NDUFB3: variants seen among roughly 807,000 people sequenced by gnomAD.
NDUFB3 encodes NADH dehydrogenase [ubiquinone] 1 beta subcomplex subunit 3.
Under a neutral mutation model 9.0 loss-of-function variants are expected in NDUFB3, and 7 were observed. That is an observed-to-expected ratio of 0.78 (90% CI 0.44 to 1.46). The LOEUF (loss-of-function observed/expected upper bound fraction) is 1.46, where lower values mean the gene tolerates loss of function less well. Among genes scored for constraint, NDUFB3 ranks in the 40% most tolerant of loss-of-function variants. The probability of loss-of-function intolerance (pLI) is 0.01; values close to 1 mark genes in which losing one functional copy is unlikely to be tolerated. For missense variants in NDUFB3, 93 were observed against 115.4 expected, an observed-to-expected ratio of 0.81 and a Z score of 0.89; for synonymous variants, 29 against 38.5, an observed-to-expected ratio of 0.75 and a Z score of 0.91.
At chr2:201,074,151 C>T (rs2047132939) in intron 1 of NDUFB3, among the ~76,000 whole-genome samples, 1 of 152,030 alleles carries the variant, frequency 6.6e-6, no homozygotes, top group Non-Finnish European at 1.5e-5. Context: ...CGGGATTTTG[C>T]CATGTTGGTT....
intron 1 of NDUFB3, among the ~76,000 whole-genome samples, chr2:201,076,342 G>A (rs948010849): frequency 7.9e-5 from 12 of 151,460 alleles, no homozygotes; most frequent in Non-Finnish European, 1.8e-4. Context: ...AGGGTCCATC[G>A]CTATAAAACA....
At chr2:201,077,770 C>T (rs1343438178) in intron 1 of NDUFB3, among the ~76,000 whole-genome samples, 2 of 152,132 alleles carry the variant, frequency 1.3e-5, no homozygotes, top group Non-Finnish European at 2.9e-5. Flanking sequence ...AGTGTGTTTT[C>T]TCTTCCTATA....
intron 2 of NDUFB3, 100 bp from the exon 3 acceptor site, chr2:201,085,359 G>T: frequency 2.3e-6 from 2 of 857,894 alleles, no homozygotes; most frequent in Non-Finnish European, 1.7e-6. Context: ...TCTTCTGTAG[G>T]GTAGCATTTA....
intron 1 of NDUFB3, among the ~76,000 whole-genome samples, chr2:201,073,582 C>T (rs1326313551): frequency 1.3e-5 from 2 of 152,142 alleles, no homozygotes; most frequent in Admixed American, 6.6e-5. Context: ...TTCTGACCAA[C>T]ATGGTGAAAC....
In NDUFB3 at chr2:201,076,512, T is replaced by TATATATATATATATATATATATAA. The variant is rs1250913348; in HGVS notation, c.-2-2368_-2-2367insTATATATATATATATATATATAAA. Among the ~76,000 whole-genome samples, 65 of 134,404 alleles carry TATATATATATATATATATATATAA rather than the reference T, an allele frequency of 4.8e-4. 2 individuals carry two copies. Among genetic ancestry groups the TATATATATATATATATATATATAA allele is most frequent in the African/African-American group, 1.7e-3 (60 of 35,512 alleles). The allele number at this position is 134,404 out of a possible 152,430, so 88.2% of individuals were successfully genotyped here. A position where few individuals can be genotyped will look rare whatever the true frequency, so the allele number is the denominator to read the frequency against. On this transcript the variant is annotated intron_variant, in intron 1 of 2. Transcript: ENST00000237889. ...ATATATATATATATATATATATATA[T>TATATATATATATATATATATATAA]AATTAAATGTGAAAATCATCAACAT...
At chr2:201,079,231 G>A (rs535423085) in intron 2 of NDUFB3, among the ~76,000 whole-genome samples, 4 of 151,356 alleles carry the variant, frequency 2.6e-5, no homozygotes, top group African/African-American at 4.9e-5. Context: ...TGCAGCCTCC[G>A]CCACCCGGGT....
intron 1 of NDUFB3, among the ~76,000 whole-genome samples, chr2:201,073,094 A>G (rs1411328297): frequency 6.6e-6 from 1 of 152,206 alleles, no homozygotes; most frequent in Non-Finnish European, 1.5e-5. Context: ...AAATTGGTTG[A>G]AAAACACTGC....
chr2:201,085,413 C>G, intron 2 of NDUFB3, 46 bp from the exon 3 acceptor site: 1 of 1,449,534 alleles, frequency 6.9e-7, no homozygotes, highest in Non-Finnish European at 9.4e-7. Flanking sequence ...AACGTATATA[C>G]ACACACGTTG....
chr2:201,085,541 T>G lies in NDUFB3; in HGVS notation c.223T>G (p.Phe75Val). 1 of 1,612,532 alleles carries G rather than the reference T, an allele frequency of 6.2e-7. No individual in the cohort carries two copies. The highest frequency in any genetic ancestry group is 8.5e-7 in the Non-Finnish European group (1 of 1,178,900). The change falls in exon 3 of 3, where the codon TTT becomes GTT. Residue 75 changes from phenylalanine (F) to valine (V), a missense_variant. Phe to Val is a conservative substitution (Grantham distance 50, BLOSUM62 -1). Transcript: ENST00000237889. ...DVFFKGFKWGFAAFVVAVGAE... is the reference protein window; with the variant it reads ...DVFFKGFKWGVAAFVVAVGAE... ...ATTCTTTAAAGGATTCAAATGGGGA[T>G]TTGCTGCATTTGTGGTAGCTGTAGG...
In NDUFB3 at chr2:201,072,073, T is replaced by C. The variant is rs1004851277; in HGVS notation, c.-3+14T>C. 3 of 151,892 alleles carry C rather than the reference T, an allele frequency of 2.0e-5. No homozygotes were observed. The highest frequency in any genetic ancestry group is 7.3e-5 in the African/African-American group (3 of 41,274). The allele number at this position is 151,892 out of a possible 1,614,324, so 9.4% of individuals were successfully genotyped here. On this transcript the variant is annotated intron_variant, in intron 1 of 2. Transcript: ENST00000237889. ...GATTGCTGTCAGGTAAATTAGGGAGTTGGTGGGAGGCCCGTTGATTAGGAT... is the reference window on the plus strand; with the variant it reads ...GATTGCTGTCAGGTAAATTAGGGAGCTGGTGGGAGGCCCGTTGATTAGGAT...
In NDUFB3 at chr2:201,073,770, C is replaced by CA. The variant is rs112614732; in HGVS notation, c.-3+1721dup. Among the ~76,000 whole-genome samples the CA allele has an allele frequency of 1.2e-4, 18 of 146,996 alleles. 1 individual carries two copies. The highest frequency in any genetic ancestry group is 6.5e-4 in the South Asian group (3 of 4,626). ...CTGGCGACAGAGTGATACTCCATCTCAAAAAAAAAATTTGTTTTTTTTTAA... is the reference window on the plus strand; with the variant it reads ...CTGGCGACAGAGTGATACTCCATCTCAAAAAAAAAAATTTGTTTTTTTTTAA... On this transcript the variant is annotated intron_variant, in intron 1 of 2. Transcript: ENST00000237889.
At chr2:201,078,820 T>C in intron 1 of NDUFB3, 61 bp from the exon 2 acceptor site, 2 of 1,453,612 alleles carry the variant, frequency 1.4e-6, no homozygotes, top group Middle Eastern at 2.5e-4. Flanking sequence ...AAACAATAAA[T>C]TTGGGTATTT....
At chr2:201,082,300 C>T (rs562964162) in intron 2 of NDUFB3, among the ~76,000 whole-genome samples, 74 of 151,712 alleles carry the variant, frequency 4.9e-4, no homozygotes, top group Non-Finnish European at 8.0e-4. Context: ...ATGGAGTCTC[C>T]GTCGCCCAGG....
intron 2 of NDUFB3, among the ~76,000 whole-genome samples, chr2:201,082,000 T>C (rs2047230246): frequency 6.6e-6 from 1 of 151,710 alleles, no homozygotes; most frequent in Non-Finnish European, 1.5e-5. Context: ...TATTTTTTAG[T>C]AGAGATGGGG....
Position 201,078,890 on chromosome 2 carries a change from A to G in NDUFB3, c.8A>G (p.His3Arg), listed in dbSNP as rs767542169. The G allele has an allele frequency of 6.2e-6, 10 of 1,609,426 alleles. No homozygotes were observed. The Admixed American group carries it at 1.5e-4, about 25-fold the overall frequency. The change falls in exon 2 of 3, where the codon CAT becomes CGT. Residue 3 changes from histidine to arginine, a missense_variant. His to Arg is a conservative substitution (Grantham distance 29). Transcript: ENST00000237889. MA[H>R]EHGHEHGHHK... ...AATCTTTTCCTTACAGACATGGCCC[A>G]TGAACATGGACATGAGCATGGACAT... is the stretch of plus-strand genomic sequence containing the variant.
At chr2:201,073,811 T>C (rs932028528) in intron 1 of NDUFB3, among the ~76,000 whole-genome samples, 3 of 152,110 alleles carry the variant, frequency 2.0e-5, no homozygotes, top group Admixed American at 1.3e-4. Context: ...AGAGGCTTGA[T>C]GTCTCTAAGA....
At chr2:201,076,871 C>T (rs544325296) in intron 1 of NDUFB3, among the ~76,000 whole-genome samples, 54 of 152,152 alleles carry the variant, frequency 3.5e-4, no homozygotes, top group Admixed American at 2.6e-4. Context: ...GAGGCGGAGG[C>T]GGGCAGATCA....
intron 2 of NDUFB3, among the ~76,000 whole-genome samples, chr2:201,079,621 TTAG>T (rs1455267086): frequency 6.6e-6 from 1 of 152,080 alleles, no homozygotes; most frequent in African/African-American, 2.4e-5. Context: ...TTTTATATTG[TTAG>T]TAGAGACAGG....
chr2:201,084,896 C>T (rs1015467024), intron 2 of NDUFB3, among the ~76,000 whole-genome samples: 7 of 152,130 alleles, frequency 4.6e-5, no homozygotes, highest in Admixed American at 1.3e-4. Flanking sequence ...AGCAGAGATC[C>T]TTTTGAATAG....
Sources: allele counts gnomAD v4.1 joint callset (sites outside exome capture counted in the v4.1 genomes callset), GRCh38; gene constraint gnomAD v4.1.1; transcripts MANE v1.5; gene names NCBI Gene and HGNC (gene_info 2026-07-23, HGNC 2026-07-21).